The following EPB41L4A variants were observed in gnomAD, a reference collection of about 807,000 sequenced individuals.
EPB41L4A encodes erythrocyte membrane protein band 4.1 like 4A.
A neutral mutation model predicts 108.6 loss-of-function variants in EPB41L4A; 100 were observed. That is an observed-to-expected ratio of 0.92 (90% CI 0.78 to 1.09). EPB41L4A has a LOEUF of 1.09. Among genes scored for constraint, EPB41L4A ranks in the 50% least tolerant of loss-of-function variants. The pLI, the probability that EPB41L4A is intolerant of heterozygous loss-of-function variation, is 0.00. For synonymous variants in EPB41L4A, 319 were observed against 289.0 expected, an observed-to-expected ratio of 1.10 and a Z score of -1.05; for missense variants, 1,030 against 842.7, an observed-to-expected ratio of 1.22 and a Z score of -2.75.
intron 4 of EPB41L4A, among the ~76,000 whole-genome samples, chr5:112,271,869 G>T (rs1561529555): frequency 6.6e-6 from 1 of 152,146 alleles, no homozygotes; most frequent in African/African-American, 2.4e-5. Context: ...GCTGGCTGAT[G>T]TGTCAGAAAT....
chr5:112,302,453 G>A lies in EPB41L4A; in HGVS notation c.204+4933C>T, dbSNP rs113235685. Among the ~76,000 whole-genome samples, 1,352 of 152,278 alleles carry A rather than the reference G, an allele frequency of 8.9e-3. 30 individuals are homozygous for A. Among genetic ancestry groups the A allele is most frequent in the South Asian group, 0.054 (262 of 4,830 alleles). On this transcript the variant is annotated intron_variant, in intron 2 of 22. Transcript: ENST00000261486. Reference sequence around the variant, plus strand: ...AATATGTTACCTTTGAGATACATGAGAGGCATCCGAGTAGTGAACAACAGC... The same window carrying A: ...AATATGTTACCTTTGAGATACATGAAAGGCATCCGAGTAGTGAACAACAGC...
chr5:112,315,794 TGACA>T (rs202157212), intron 1 of EPB41L4A, among the ~76,000 whole-genome samples: 1,702 of 152,150 alleles, frequency 0.011, 44 homozygotes, highest in South Asian at 0.055. Flanking sequence ...AAAAAAAATC[TGACA>T]GAAATTTGAT....
chr5:112,287,251 A>G (rs1753350311), intron 2 of EPB41L4A, among the ~76,000 whole-genome samples: 1 of 152,050 alleles, frequency 6.6e-6, no homozygotes, highest in Non-Finnish European at 1.5e-5. Flanking sequence ...TGTCCAAAAG[A>G]AAACTGATGA....
In EPB41L4A at chr5:112,355,789, C is replaced by T. The variant is rs75697641; in HGVS notation, c.100-48299G>A. Among the ~76,000 whole-genome samples, 919 of 152,250 alleles carry T rather than the reference C, an allele frequency of 6.0e-3. 1 individual carries two copies. The highest frequency in any genetic ancestry group is 1.0e-2 in the Non-Finnish European group (678 of 68,018). ...ACTGGAAACAAAGCCATAACAAATA[C>T]ACATTCTATTTGCTTTTACTGCCTC... On this transcript the variant is annotated intron_variant, in intron 1 of 22. Coordinates refer to ENST00000261486, the MANE Select transcript of EPB41L4A (RefSeq NM_022140.5).
At chr5:112,331,566 T>G (rs1398358001) in intron 1 of EPB41L4A, among the ~76,000 whole-genome samples, 2 of 152,320 alleles carry the variant, frequency 1.3e-5, no homozygotes, top group South Asian at 2.1e-4. Context: ...ACAGAAATAC[T>G]TGGTGCCTGG....
chr5:112,391,746 T>C (rs1253640209), intron 1 of EPB41L4A, among the ~76,000 whole-genome samples: 1 of 151,976 alleles, frequency 6.6e-6, no homozygotes, highest in African/African-American at 2.4e-5. Context: ...TAGATACTCC[T>C]CAAGAAGAGC....
At chr5:112,388,874 C>G (rs959197151) in intron 1 of EPB41L4A, among the ~76,000 whole-genome samples, 1 of 152,184 alleles carries the variant, frequency 6.6e-6, no homozygotes, top group Admixed American at 6.5e-5. Context: ...AGCCTCCACA[C>G]TAACAAGGGA....
Position 112,307,388 on chromosome 5 carries a change from T to A in EPB41L4A, c.202A>T (p.Thr68Ser). 6.2e-7 allele frequency: 1 copy of A among 1,602,640 alleles called. No homozygotes were observed. Among genetic ancestry groups the A allele is most frequent in the Admixed American group, 1.7e-5 (1 of 59,858 alleles). Reference protein sequence around the residue: ...GLRYCDRSHQTYWLDPAKTLA... With the variant: ...GLRYCDRSHQSYWLDPAKTLA... The stretch of plus-strand genomic sequence containing the variant: ...TAACACAAAGTCACCTTACTCACCG[T>A]CTGATGGCTTCTGTCACAGTAACGT... The change falls in exon 2 of 23, where the codon ACG becomes TCG. Residue 68 changes from threonine (T) to serine (S), a missense_variant and splice_region_variant. Physicochemically the swap from Thr to Ser is moderately conservative, Grantham distance 58. Transcript: ENST00000261486.
intron 1 of EPB41L4A, among the ~76,000 whole-genome samples, chr5:112,345,817 A>G (rs1036405751): frequency 5.3e-4 from 78 of 148,432 alleles, no homozygotes; most frequent in Non-Finnish European, 9.1e-4. Flanking sequence ...ACACACACAC[A>G]CACACGCACA....
At chr5:112,213,400 G>A (rs1313773386) in intron 12 of EPB41L4A, among the ~76,000 whole-genome samples, 2 of 150,064 alleles carry the variant, frequency 1.3e-5, no homozygotes, top group Non-Finnish European at 2.9e-5. Flanking sequence ...CCAGGCTGGA[G>A]TGCAGTGGCA....
At chr5:112,259,183 A>G in intron 9 of EPB41L4A, 46 bp downstream of exon 9, 1 of 1,422,274 alleles carries the variant, frequency 7.0e-7, no homozygotes, top group African/African-American at 1.4e-5. Context: ...AAATGAACAC[A>G]CAAGACACCC....
intron 15 of EPB41L4A, among the ~76,000 whole-genome samples, chr5:112,200,332 G>A (rs1762159775): frequency 1.3e-5 from 2 of 152,094 alleles, no homozygotes; most frequent in South Asian, 2.1e-4. Context: ...CCCTAACAGT[G>A]CTCATTACAC....
intron 2 of EPB41L4A, among the ~76,000 whole-genome samples, chr5:112,286,277 G>C (rs562089663): frequency 6.6e-6 from 1 of 152,026 alleles, no homozygotes; most frequent in Non-Finnish European, 1.5e-5. Flanking sequence ...ACACCCATGG[G>C]TAACTCCAAT....
chr5:112,233,580 T>C (rs537402413), intron 12 of EPB41L4A, among the ~76,000 whole-genome samples: 1 of 152,260 alleles, frequency 6.6e-6, no homozygotes, highest in East Asian at 1.9e-4. Flanking sequence ...TCCTTTTTTT[T>C]AATTTGTATT....
At chr5:112,350,905 C>T (rs763136912) in intron 1 of EPB41L4A, among the ~76,000 whole-genome samples, 10 of 152,174 alleles carry the variant, frequency 6.6e-5, no homozygotes, top group Admixed American at 5.2e-4. Context: ...TCTATCTTTG[C>T]TATTGTGACT....
Position 112,259,307 on chromosome 5 carries a change from A to T in EPB41L4A, c.732-15T>A. 1 of 1,610,806 alleles carries T rather than the reference A, an allele frequency of 6.2e-7. No individual in the cohort carries two copies. Among genetic ancestry groups the T allele is most frequent in the East Asian group, 2.2e-5 (1 of 44,862 alleles). ...TAATCCGAGGCCTAAAAAACAAAGC[A>T]GATGGTGTTGCTGCTGTTTTTAAGT... On this transcript the variant is annotated splice_polypyrimidine_tract_variant and intron_variant, in intron 8 of 22. Coordinates refer to ENST00000261486, the MANE Select transcript of EPB41L4A (RefSeq NM_022140.5).
chr5:112,299,227 T>G (rs1754197787), intron 2 of EPB41L4A, among the ~76,000 whole-genome samples: 1 of 152,198 alleles, frequency 6.6e-6, no homozygotes, highest in African/African-American at 2.4e-5. Flanking sequence ...TACCTTGAGG[T>G]GTGACCATAG....
chr5:112,259,873 T>A lies in EPB41L4A; in HGVS notation c.731+18A>T. 1 of 1,599,310 alleles carries A rather than the reference T, an allele frequency of 6.3e-7. No individual in the cohort carries two copies. The highest frequency in any genetic ancestry group is 1.3e-5 in the African/African-American group (1 of 74,530). On this transcript the variant is annotated intron_variant, in intron 8 of 22. Coordinates refer to ENST00000261486, the MANE Select transcript of EPB41L4A (RefSeq NM_022140.5). ...CCCAAAACATAGAATGCCAACTCTG[T>A]TCTCAAGCCATACCTACCAGAAATA...
intron 12 of EPB41L4A, among the ~76,000 whole-genome samples, chr5:112,150,459 A>C (rs1165031562): frequency 6.6e-6 from 1 of 152,212 alleles, no homozygotes; most frequent in Non-Finnish European, 1.5e-5. Context: ...TCTTTGAAAA[A>C]AAACAAAGGG....
Sources: gnomAD v4.1 joint callset for allele counts (sites outside exome capture counted in the v4.1 genomes callset) on GRCh38, gnomAD v4.1.1 for gene constraint, MANE v1.5 for transcripts, NCBI Gene and HGNC (gene_info 2026-07-23, HGNC 2026-07-21) for gene names.